CCDC7: variants seen among roughly 807,000 people sequenced by gnomAD.
The protein encoded by CCDC7 is coiled-coil domain-containing protein 7.
CCDC7 carries 183 observed loss-of-function variants against 196.9 expected under a neutral mutation model. That is an observed-to-expected ratio of 0.93 (90% confidence interval 0.82 to 1.05). The LOEUF is 1.05. CCDC7 is among the 50% of genes least tolerant of loss of function. The pLI, the probability that CCDC7 is intolerant of heterozygous loss-of-function variation, is 0.00. For missense variants in CCDC7, 1,540 were observed against 1,482.2 expected (o/e 1.04, Z -0.64); for synonymous variants, 525 against 484.6 (o/e 1.08, Z -1.10).
chr10:32,460,935 CAGATCT>C (rs2035494531), intron 3 of CCDC7, among the ~76,000 whole-genome samples: 2 of 152,222 alleles, frequency 1.3e-5, no homozygotes, highest in Admixed American at 1.3e-4. Flanking sequence ...TTTTGAACCA[CAGATCT>C]AGAGTTAGTG....
chr10:32,690,376 A>G (rs963590368), intron 23 of CCDC7, among the ~76,000 whole-genome samples: 3 of 152,224 alleles, frequency 2.0e-5, no homozygotes, highest in African/African-American at 7.2e-5. Context: ...TATGTTTTCC[A>G]ACTTATTCTA....
intron 18 of CCDC7, among the ~76,000 whole-genome samples, chr10:32,632,791 A>G (rs903563447): frequency 6.6e-6 from 1 of 152,056 alleles, no homozygotes; most frequent in African/African-American, 2.4e-5. Context: ...GTTCATATAG[A>G]TTGAAGAACA....
At chr10:32,851,773 T>C in intron 39 of CCDC7, 34 bp from the exon 41 acceptor site, 3 of 1,580,438 alleles carry the variant, frequency 1.9e-6, no homozygotes, top group South Asian at 1.1e-5. Flanking sequence ...ATGTCATCTA[T>C]TGTATGGCTA....
At chr10:32,544,485 T>C (rs1287939779) in intron 13 of CCDC7, 184 bp downstream of exon 14, 1 of 425,716 alleles carries the variant, frequency 2.3e-6, no homozygotes, top group Non-Finnish European at 4.0e-6. Flanking sequence ...GATGGACTCT[T>C]CTCATCAAAG....
intron 33 of CCDC7, among the ~76,000 whole-genome samples, chr10:32,837,840 C>A (rs538739770): frequency 1.3e-5 from 2 of 151,062 alleles, no homozygotes; most frequent in African/African-American, 4.9e-5. Context: ...GTACCAAACA[C>A]CGCATGTTCT....
At chr10:32,707,594 C>G (rs879380202) in intron 24 of CCDC7, among the ~76,000 whole-genome samples, 33 of 152,322 alleles carry the variant, frequency 2.2e-4, no homozygotes, top group Admixed American at 9.1e-4. Flanking sequence ...CCCAAAATCT[C>G]CTTAAGCTGA....
chr10:32,534,535 AT>A (rs1273345338), intron 11 of CCDC7, among the ~76,000 whole-genome samples: 1 of 151,708 alleles, frequency 6.6e-6, no homozygotes, highest in Non-Finnish European at 1.5e-5. Flanking sequence ...CTGGAAAAAA[AT>A]GGATGTATTT....
intron 28 of CCDC7, among the ~76,000 whole-genome samples, chr10:32,766,715 G>A (rs1336020663): frequency 2.0e-5 from 3 of 152,018 alleles, no homozygotes; most frequent in African/African-American, 7.2e-5. Context: ...AGTTTGGCAT[G>A]CAGGTAGTAC....
intron 41 of CCDC7, among the ~76,000 whole-genome samples, chr10:32,859,844 C>T (rs1158327336): frequency 6.6e-6 from 1 of 151,990 alleles, no homozygotes; most frequent in Non-Finnish European, 1.5e-5. Context: ...ACACATACAC[C>T]CTCCCAAGAC....
At chr10:32,454,489 G>A (rs1165800019) in intron 2 of CCDC7, among the ~76,000 whole-genome samples, 1 of 151,802 alleles carries the variant, frequency 6.6e-6, no homozygotes, top group Non-Finnish European at 1.5e-5. Flanking sequence ...CTTGGGTGAC[G>A]GGATCATTGG....
At chr10:32,488,862 A>G (rs181387518) in intron 8 of CCDC7, among the ~76,000 whole-genome samples, 2 of 152,214 alleles carry the variant, frequency 1.3e-5, no homozygotes, top group East Asian at 1.9e-4. Context: ...ATCTTCACCT[A>G]TGGGTGGTTG....
At chr10:32,490,390 G>A (rs2041966798) in intron 8 of CCDC7, among the ~76,000 whole-genome samples, 1 of 152,138 alleles carries the variant, frequency 6.6e-6, no homozygotes, top group South Asian at 2.1e-4. Flanking sequence ...TCTGGGGACT[G>A]AATTTTCAAA....
intron 24 of CCDC7, among the ~76,000 whole-genome samples, chr10:32,705,656 A>G (rs1012707602): frequency 2.6e-5 from 4 of 152,158 alleles, no homozygotes; most frequent in African/African-American, 7.2e-5. Context: ...AAAAAAAGGC[A>G]GAGGTTGCCA....
At chr10:32,793,391 G>T (rs530943620) in intron 29 of CCDC7, among the ~76,000 whole-genome samples, 1 of 152,138 alleles carries the variant, frequency 6.6e-6, no homozygotes, top group Non-Finnish European at 1.5e-5. Context: ...ATAAATTGAA[G>T]CCTTGTAATG....
At chr10:32,449,638 T>C (rs1355357630), upstream of CCDC7, among the ~76,000 whole-genome samples, 1 of 152,152 alleles carries the variant, frequency 6.6e-6, no homozygotes, top group Non-Finnish European at 1.5e-5. Flanking sequence ...TCCTGGAAGT[T>C]AGGGAAAGTA....
intron 21 of CCDC7, among the ~76,000 whole-genome samples, chr10:32,679,816 G>A (rs2075591415): frequency 6.6e-6 from 1 of 152,158 alleles, no homozygotes; most frequent in Non-Finnish European, 1.5e-5. Flanking sequence ...TTTATGCATG[G>A]ATGACAGATA....
chr10:32,807,509 C>G (rs140606875), intron 30 of CCDC7, among the ~76,000 whole-genome samples: 24 of 151,886 alleles, frequency 1.6e-4, no homozygotes. Context: ...TCAAATAGAT[C>G]GTCTAATCAG....
At chr10:32,459,894 CTGA>C (rs1564627613) in intron 3 of CCDC7, among the ~76,000 whole-genome samples, 1 of 151,944 alleles carries the variant, frequency 6.6e-6, no homozygotes, top group Non-Finnish European at 1.5e-5. Flanking sequence ...CCTGGATGAA[CTGA>C]TGAAATTGAA....
intron 29 of CCDC7, among the ~76,000 whole-genome samples, chr10:32,786,618 G>A (rs370548832): frequency 2.6e-5 from 4 of 152,048 alleles, no homozygotes; most frequent in African/African-American, 4.8e-5. Flanking sequence ...AAAATTAGCC[G>A]GGCATGGTAA....
Sources: allele counts gnomAD v4.1 joint callset (sites outside exome capture counted in the v4.1 genomes callset), GRCh38; gene constraint gnomAD v4.1.1; transcripts MANE v1.5; gene names NCBI Gene and HGNC (gene_info 2026-07-23, HGNC 2026-07-21).